DOCK9: variants seen among roughly 807,000 people sequenced by gnomAD.
The protein encoded by DOCK9 is dedicator of cytokinesis protein 9.
DOCK9 carries 89 observed loss-of-function variants against 263.3 expected under a neutral mutation model. The observed-to-expected ratio is 0.34, with a 90% CI of 0.28 to 0.40. The LOEUF is 0.40. Ranked by LOEUF, DOCK9 falls within the 10% of genes least tolerant of loss-of-function variation. The probability of loss-of-function intolerance (pLI) is 1.00; values close to 1 mark genes in which losing one functional copy is unlikely to be tolerated. For missense variants in DOCK9, 2,140 were observed against 2,603.4 expected (o/e 0.82, Z 3.87); for synonymous variants, 976 against 973.1 (o/e 1.00, Z -0.06).
At chr13:99,026,142 G>A (rs1886686396) in intron 1 of DOCK9, among the ~76,000 whole-genome samples, 1 of 151,324 alleles carries the variant, frequency 6.6e-6, no homozygotes, top group Non-Finnish European at 1.5e-5. Flanking sequence ...AGAGTTCCGG[G>A]GTGATGGCTA....
chr13:98,979,659 C>T (rs1324315664), upstream of DOCK9, among the ~76,000 whole-genome samples: 7 of 152,076 alleles, frequency 4.6e-5, no homozygotes, highest in Non-Finnish European at 7.4e-5. Context: ...CTTGGGTAGT[C>T]TTTCAGGGTT....
In DOCK9 at chr13:98,794,464, C is replaced by G. The variant is rs2089079045; in HGVS notation, c.*162G>C. On this transcript the variant is annotated 3_prime_UTR_variant, in exon 53 of 53. Coordinates refer to ENST00000682017, the MANE Select transcript of DOCK9 (RefSeq NM_001366683.2). ...AAAATATGTGCACCTTCTTACAACT[C>G]CTATAGAAAGTCTGTTAAGAAATAA... 4 of 756,070 alleles carry G rather than the reference C, an allele frequency of 5.3e-6. No individual in the cohort carries two copies. The highest frequency in any genetic ancestry group is 8.3e-6 in the Non-Finnish European group (4 of 479,306). The allele number at this position is 756,070 out of a possible 1,614,324, so 46.8% of individuals were successfully genotyped here. A position where few individuals can be genotyped will look rare whatever the true frequency, so the allele number is the denominator to read the frequency against.
intron 15 of DOCK9, among the ~76,000 whole-genome samples, chr13:98,895,584 G>A (rs1221294367): frequency 6.6e-6 from 1 of 151,624 alleles, no homozygotes; most frequent in Non-Finnish European, 1.5e-5. Flanking sequence ...AGAATCGCTT[G>A]AACTCGGGAG....
At chr13:98,928,008 AAAAAAAAAAAAC>A (rs1270098411) in intron 3 of DOCK9, among the ~76,000 whole-genome samples, 1 of 102,908 alleles carries the variant, frequency 9.7e-6, no homozygotes, top group Non-Finnish European at 2.3e-5. Flanking sequence ...CACATACAAA[AAAAAAAAAAAAC>A]AAAAAAAAAC....
intron 2 of DOCK9, among the ~76,000 whole-genome samples, chr13:98,942,237 T>G (rs1336391842): frequency 1.4e-5 from 2 of 147,476 alleles, no homozygotes; most frequent in African/African-American, 2.5e-5. Flanking sequence ...TTTTTGTTGT[T>G]TTTTTTTTTT....
At chr13:99,022,697 C>G (rs1886258199) in intron 1 of DOCK9, among the ~76,000 whole-genome samples, 1 of 152,170 alleles carries the variant, frequency 6.6e-6, no homozygotes, top group Non-Finnish European at 1.5e-5. Context: ...AATTCCAGCA[C>G]TTTTGGAGTC....
At chr13:99,007,118 A>C (rs1302650428) in intron 1 of DOCK9, among the ~76,000 whole-genome samples, 2 of 151,472 alleles carry the variant, frequency 1.3e-5, no homozygotes, top group Non-Finnish European at 2.9e-5. Context: ...GGCCAGGTGC[A>C]GTGGTTCACG....
Position 98,845,404 on chromosome 13 carries a change from G to A in DOCK9, c.4198+520C>T, listed in dbSNP as rs1334562095. ...ACACAGAAAAAGTCACTTTGTTATT[G>A]GATGCTTTTCCACACCCTCACAAAT... On this transcript the variant is annotated intron_variant, in intron 38 of 52. Coordinates refer to ENST00000682017, the MANE Select transcript of DOCK9 (RefSeq NM_001366683.2). 3 of 1,338,548 alleles carry A rather than the reference G, an allele frequency of 2.2e-6. No homozygotes were observed. The East Asian group carries it at 1.4e-4, about 62-fold the overall frequency. 82.9% of individuals were successfully genotyped at this position (1,338,548 alleles called of 1,614,324 possible). A position where few individuals can be genotyped will look rare whatever the true frequency, so the allele number is the denominator to read the frequency against.
At chr13:99,015,746 C>T in intron 1 of DOCK9, 1 of 1,346,980 alleles carries the variant, frequency 7.4e-7, no homozygotes, top group African/African-American at 1.5e-5. Flanking sequence ...AAGGGAAGCT[C>T]TGAGCTGCCG....
intron 45 of DOCK9, among the ~76,000 whole-genome samples, chr13:98,813,920 C>T (rs1323032786): frequency 3.9e-5 from 6 of 152,290 alleles, no homozygotes; most frequent in East Asian, 3.9e-4. Flanking sequence ...AGATTACAGG[C>T]ATGAGCCACT....
At chr13:99,025,034 T>C (rs1243388667) in intron 1 of DOCK9, among the ~76,000 whole-genome samples, 1 of 152,202 alleles carries the variant, frequency 6.6e-6, no homozygotes, top group Non-Finnish European at 1.5e-5. Flanking sequence ...TTCACAAGAC[T>C]CTCTTTTATA....
At chr13:98,911,646 G>A (rs1167799347) in intron 9 of DOCK9, among the ~76,000 whole-genome samples, 1 of 151,666 alleles carries the variant, frequency 6.6e-6, no homozygotes, top group Non-Finnish European at 1.5e-5. Context: ...TGTAATCTCA[G>A]CACTTTGGGA....
intron 1 of DOCK9, among the ~76,000 whole-genome samples, chr13:99,084,782 C>G (rs2042265167): frequency 6.6e-6 from 1 of 152,192 alleles, no homozygotes; most frequent in Admixed American, 6.5e-5. Flanking sequence ...GATAAAGGAA[C>G]CAACTTCTGT....
intron 7 of DOCK9, among the ~76,000 whole-genome samples, chr13:98,916,121 G>C (rs1454262467): frequency 6.6e-6 from 1 of 152,198 alleles, no homozygotes; most frequent in Admixed American, 6.5e-5. Context: ...AACAAGAACA[G>C]TAGTCCATGT....
At chr13:98,848,475 C>T in intron 37 of DOCK9, 117 bp downstream of exon 37, 1 of 1,047,224 alleles carries the variant, frequency 9.5e-7, no homozygotes, top group Non-Finnish European at 1.4e-6. Context: ...TGCCATCAGT[C>T]CCCATGGCCG....
chr13:98,849,300 C>G (rs1300158196), intron 36 of DOCK9, among the ~76,000 whole-genome samples: 1 of 152,088 alleles, frequency 6.6e-6, no homozygotes, highest in Non-Finnish European at 1.5e-5. Flanking sequence ...GCATGAAACT[C>G]TGAAAACCAG....
chr13:98,953,939 G>A (rs1374129814), intron 2 of DOCK9, among the ~76,000 whole-genome samples: 4 of 152,136 alleles, frequency 2.6e-5, no homozygotes, highest in Admixed American at 6.5e-5. Context: ...TGGGGCCCAG[G>A]TATCTCTAAC....
At chr13:98,822,155 C>T (rs1171615932) in intron 45 of DOCK9, among the ~76,000 whole-genome samples, 1 of 152,148 alleles carries the variant, frequency 6.6e-6, no homozygotes, top group Non-Finnish European at 1.5e-5. Flanking sequence ...GTACTATGGA[C>T]CTTGTTAAAG....
chr13:99,083,654 A>G (rs889274850), intron 1 of DOCK9, among the ~76,000 whole-genome samples: 1 of 152,240 alleles, frequency 6.6e-6, no homozygotes, highest in African/African-American at 2.4e-5. Context: ...CTTTTCAAAC[A>G]AATTAATACA....
Sources: gnomAD v4.1 joint callset for allele counts (sites outside exome capture counted in the v4.1 genomes callset) on GRCh38, gnomAD v4.1.1 for gene constraint, MANE v1.5 for transcripts, NCBI Gene and HGNC (gene_info 2026-07-23, HGNC 2026-07-21) for gene names.